The following DOCK2 variants were observed in gnomAD, a reference collection of about 807,000 sequenced individuals.
The protein encoded by DOCK2 is dedicator of cytokinesis protein 2.
Under a neutral mutation model 248.9 loss-of-function variants are expected in DOCK2, and 87 were observed. That is an observed-to-expected ratio of 0.35 (90% CI 0.29 to 0.42). The LOEUF is 0.42. Among genes scored for constraint, DOCK2 ranks in the 10% least tolerant of loss-of-function variants. The probability of loss-of-function intolerance (pLI) is 1.00; values close to 1 mark genes in which losing one functional copy is unlikely to be tolerated. For missense variants in DOCK2, 1,747 were observed against 2,300.2 expected (o/e 0.76, Z 4.92); for synonymous variants, 805 against 821.6 (o/e 0.98, Z 0.35).
intron 23 of DOCK2, among the ~76,000 whole-genome samples, chr5:169,753,156 G>C (rs1179424502): frequency 6.6e-6 from 1 of 152,166 alleles, no homozygotes; most frequent in Non-Finnish European, 1.5e-5. Flanking sequence ...TACATATATT[G>C]TTAGCTCAAT....
intron 27 of DOCK2, chr5:169,934,673 G>A (rs1018691902): frequency 2.2e-6 from 1 of 456,118 alleles, no homozygotes; most frequent in African/African-American, 2.0e-5. Context: ...TGATAGGACT[G>A]AACCGATTGG....
At chr5:169,705,986 AAC>A (rs1474997674) in intron 14 of DOCK2, among the ~76,000 whole-genome samples, 5 of 152,228 alleles carry the variant, frequency 3.3e-5, no homozygotes, top group Non-Finnish European at 7.3e-5. Flanking sequence ...AAAATTATGG[AAC>A]AGTGTTATTT....
intron 33 of DOCK2, among the ~76,000 whole-genome samples, chr5:170,024,202 G>C (rs1322293651): frequency 6.6e-6 from 1 of 152,112 alleles, no homozygotes. Flanking sequence ...CGCAGCAGTG[G>C]GGTAAGGAGT....
intron 27 of DOCK2, among the ~76,000 whole-genome samples, chr5:169,938,850 A>C (rs1776105515): frequency 1.3e-5 from 2 of 152,096 alleles, no homozygotes; most frequent in Non-Finnish European, 2.9e-5. Flanking sequence ...AACTGTGCAA[A>C]AATATTTTCT....
intron 40 of DOCK2, among the ~76,000 whole-genome samples, chr5:170,049,090 G>A (rs10041068): frequency 0.013 from 1,976 of 152,268 alleles, 56 homozygotes; most frequent in African/African-American, 0.045. Flanking sequence ...TGGAGAACTT[G>A]TTAAAAGTGC....
chr5:169,957,129 G>A (rs1776902237), intron 27 of DOCK2, among the ~76,000 whole-genome samples: 1 of 152,118 alleles, frequency 6.6e-6, no homozygotes, highest in African/African-American at 2.4e-5. Flanking sequence ...GTGCCATGAG[G>A]GCAGGGACTA....
At chr5:170,049,936 A>T (rs1250579530) in intron 40 of DOCK2, among the ~76,000 whole-genome samples, 1 of 152,198 alleles carries the variant, frequency 6.6e-6, no homozygotes, top group Non-Finnish European at 1.5e-5. Flanking sequence ...TGTTGTGGCC[A>T]TGTATATAGG....
chr5:169,870,684 TG>T (rs2113455606), intron 27 of DOCK2, among the ~76,000 whole-genome samples: 1 of 152,252 alleles, frequency 6.6e-6, no homozygotes, highest in East Asian at 1.9e-4. Context: ...ACATGTGCCA[TG>T]TTGGTATGCT....
At chr5:169,648,151 G>A (rs919213040) in intron 1 of DOCK2, among the ~76,000 whole-genome samples, 17 of 152,102 alleles carry the variant, frequency 1.1e-4, no homozygotes, top group African/African-American at 3.9e-4. Flanking sequence ...TTTCAGAGCA[G>A]GGTTTATCAA....
chr5:170,030,496 G>T (rs1446207274), intron 34 of DOCK2, among the ~76,000 whole-genome samples: 1 of 152,168 alleles, frequency 6.6e-6, no homozygotes, highest in Non-Finnish European at 1.5e-5. Flanking sequence ...AGTACAGATT[G>T]ATTAGGCCTT....
Position 170,055,340 on chromosome 5 carries a change from G to A in DOCK2, c.4249G>A (p.Glu1417Lys). The A allele has an allele frequency of 6.2e-7, 1 of 1,614,082 alleles. No homozygotes were observed. Among genetic ancestry groups the A allele is most frequent in the Non-Finnish European group, 8.5e-7 (1 of 1,179,940 alleles). The change falls in exon 42 of 52, where the codon GAA becomes AAA. Residue 1417 changes from glutamate to lysine, a missense_variant. Coordinates refer to ENST00000520908, the MANE Select transcript of DOCK2 (RefSeq NM_004946.3). ...CTTCACTGTCCAGCCTGTCTTGGAT[G>A]AACATCCCAGGTTCAAGAATAAGCC... ...QCFTVQPVLD[E>K]HPRFKNKPVP...
chr5:170,042,284 T>G, intron 38 of DOCK2, 152 bp downstream of exon 38: 7 of 1,018,212 alleles, frequency 6.9e-6, no homozygotes, highest in Non-Finnish European at 8.3e-6. Flanking sequence ...TCCATCTCCA[T>G]TCCTTCCACC....
At chr5:169,841,264 G>T (rs752275928) in intron 27 of DOCK2, 1 of 886,572 alleles carries the variant, frequency 1.1e-6, no homozygotes, top group South Asian at 4.4e-5. Context: ...GCTTCATTGC[G>T]TGTTAATTCT....
At chr5:169,726,121 C>G (rs1215631572) in intron 22 of DOCK2, among the ~76,000 whole-genome samples, 2 of 152,132 alleles carry the variant, frequency 1.3e-5, no homozygotes, top group African/African-American at 4.8e-5. Context: ...ACACTCCCAC[C>G]AAGAGTGTAA....
At position 169,761,616 on chromosome 5, in the gene DOCK2, A is replaced by C; in HGVS notation, c.2545A>C (p.Lys849Gln). Residue 849 changes from lysine (K) to glutamine (Q), a missense_variant, in exon 25 of 52, where the codon AAA (lysine) becomes CAA (glutamine). By Grantham distance (53) the Lys-to-Gln change is moderately conservative. Coordinates refer to ENST00000520908, the MANE Select transcript of DOCK2 (RefSeq NM_004946.3). ...MNEIVQSNLF[K>Q]KQECRDILLP... ...TGAGATAGTCCAGAGCAACCTCTTT[A>C]AAAAGCAAGGTGAGTACACAGCACC... The C allele has an allele frequency of 6.2e-7, 1 of 1,613,874 alleles. No homozygotes were observed. The highest frequency in any genetic ancestry group is 2.2e-5 in the East Asian group (1 of 44,876).
At chr5:169,639,449 A>G (rs1192799480) in intron 1 of DOCK2, among the ~76,000 whole-genome samples, 1 of 152,230 alleles carries the variant, frequency 6.6e-6, no homozygotes, top group East Asian at 1.9e-4. Flanking sequence ...CCAAGCTGCA[A>G]GTTTATTTCT....
chr5:169,781,929 C>T (rs1478494922), intron 25 of DOCK2, among the ~76,000 whole-genome samples: 1 of 152,128 alleles, frequency 6.6e-6, no homozygotes, highest in East Asian at 1.9e-4. Flanking sequence ...TGCCAGAACC[C>T]CCGTCTGCAG....
chr5:169,781,606 A>T (rs1307547044), intron 25 of DOCK2, among the ~76,000 whole-genome samples: 1 of 152,218 alleles, frequency 6.6e-6, no homozygotes, highest in Non-Finnish European at 1.5e-5. Flanking sequence ...TGTCAGCCTG[A>T]CATGAAAGAC....
At chr5:169,934,532 G>C (rs927063468) in intron 27 of DOCK2, 1 of 416,572 alleles carries the variant, frequency 2.4e-6, no homozygotes, top group Non-Finnish European at 4.9e-6. Flanking sequence ...ATTTCTTCCA[G>C]CCTAATTGTA....
Sources: gnomAD v4.1 joint callset for allele counts (sites outside exome capture counted in the v4.1 genomes callset) on GRCh38, gnomAD v4.1.1 for gene constraint, MANE v1.5 for transcripts, NCBI Gene and HGNC (gene_info 2026-07-23, HGNC 2026-07-21) for gene names.